The following NCKAP1L variants were observed in gnomAD, a reference collection of about 807,000 sequenced individuals.
The protein encoded by NCKAP1L is NCK associated protein 1 like.
In NCKAP1L, 53 loss-of-function variants were observed where a neutral mutation model predicts 139.2. The ratio of observed to expected loss-of-function variants is 0.38; its 90% CI spans 0.31 to 0.48. The LOEUF (loss-of-function observed/expected upper bound fraction) is 0.48, where lower values mean the gene tolerates loss of function less well. Ranked by LOEUF, NCKAP1L falls within the 20% of genes least tolerant of loss-of-function variation. The pLI is 0.98. For synonymous variants in NCKAP1L, 468 were observed against 499.7 expected (o/e 0.94, Z 0.85); for missense variants, 1,151 against 1,381.9 (o/e 0.83, Z 2.65).
rs113191427 is a variant in NCKAP1L, at chr12:54,509,282, T to C, written c.507-387T>C. On this transcript the variant is annotated intron_variant, in intron 5 of 30. Coordinates refer to ENST00000293373, the MANE Select transcript of NCKAP1L (RefSeq NM_005337.5). ...GTGTATTCCCACATGCCTACGTGGA[T>C]ACCTAGACACATGCCTTACCTGTTA... 1.3e-3 allele frequency among the ~76,000 whole-genome samples: 197 copies of C among 152,334 alleles called. 1 individual carries two copies. Among genetic ancestry groups the C allele is most frequent in the African/African-American group, 4.4e-3 (181 of 41,580 alleles).
rs754379839 is a variant in NCKAP1L at position 54,509,866 on chromosome 12, C to G, written c.616C>G (p.Leu206Val). The G allele has an allele frequency of 1.9e-6, 3 of 1,614,098 alleles. No homozygotes were observed. The African/African-American group carries it at 4.0e-5, about 22-fold the overall frequency. Reference sequence around the variant, plus strand: ...CCCACAGGCTGTGAGTGGAGCCCTCCTCTCTTTGCATTTCCTCTTTGTCCG... The same window carrying G: ...CCCACAGGCTGTGAGTGGAGCCCTCGTCTCTTTGCATTTCCTCTTTGTCCG... ...PHTKAVSGAL[L>V]SLHFLFVRRN... Residue 206 changes from leucine to valine, a missense_variant, in exon 7 of 31, where the codon CTC (leucine) becomes GTC (valine). Coordinates refer to ENST00000293373, the MANE Select transcript of NCKAP1L (RefSeq NM_005337.5).
intron 25 of NCKAP1L, 76 bp from the exon 26 acceptor site, chr12:54,532,094 T>A (rs1592351220): frequency 8.6e-6 from 10 of 1,167,410 alleles, no homozygotes; most frequent in Non-Finnish European, 1.2e-5. Context: ...CTCCTTTTTT[T>A]TTTTTTTTAT....
At chr12:54,505,846 GA>G (rs1956835713) in intron 3 of NCKAP1L, among the ~76,000 whole-genome samples, 1 of 152,096 alleles carries the variant, frequency 6.6e-6, no homozygotes. Context: ...ATTTTTAGTA[GA>G]GACGGGGTTT....
intron 27 of NCKAP1L, among the ~76,000 whole-genome samples, chr12:54,535,780 C>T (rs957812514): frequency 6.6e-5 from 10 of 152,196 alleles, no homozygotes; most frequent in Admixed American, 5.2e-4. Flanking sequence ...CCTTCTTCTT[C>T]TCTCATGGTG....
intron 4 of NCKAP1L, among the ~76,000 whole-genome samples, chr12:54,508,177 C>T (rs1956858020): frequency 6.6e-6 from 1 of 152,182 alleles, no homozygotes; most frequent in Non-Finnish European, 1.5e-5. Context: ...CTAAAAGCTA[C>T]CTTATTTCCT....
intron 22 of NCKAP1L, 65 bp from the exon 23 acceptor site, chr12:54,531,195 A>G (rs944097166): frequency 1.1e-4 from 127 of 1,188,308 alleles, no homozygotes; most frequent in Non-Finnish European, 1.5e-4. Context: ...ATTACCCTAT[A>G]GCTGTTGTAC....
chr12:54,500,662 T>C, intron 3 of NCKAP1L, 37 bp downstream of exon 3: 1 of 1,280,048 alleles, frequency 7.8e-7, no homozygotes, highest in Non-Finnish European at 1.1e-6. Context: ...GTAGGCAAGG[T>C]CTTTCAGAGG....
chr12:54,508,599 T>C, intron 5 of NCKAP1L, 68 bp downstream of exon 5: 1 of 1,500,136 alleles, frequency 6.7e-7, no homozygotes, highest in Non-Finnish European at 9.1e-7. Context: ...GAGTCCCTCA[T>C]GCAAAGGAAA....
Position 54,542,773 on chromosome 12 carries a change from G to A in NCKAP1L, c.*88G>A. 1.0e-5 allele frequency: 5 copies of A among 480,656 alleles called. No homozygotes were observed. Among genetic ancestry groups the A allele is most frequent in the Non-Finnish European group, 2.1e-5 (5 of 237,366 alleles). The allele number at this position is 480,656 out of a possible 1,614,324, so 29.8% of individuals were successfully genotyped here. Reference sequence around the variant, plus strand: ...CTGTGGTCACTTTCGCAGGGGGTGGGAATGGGGTGGGGTCACTAAGGAGAG... The same window carrying A: ...CTGTGGTCACTTTCGCAGGGGGTGGAAATGGGGTGGGGTCACTAAGGAGAG... On this transcript the variant is annotated 3_prime_UTR_variant, in exon 31 of 31. Coordinates refer to ENST00000293373, the MANE Select transcript of NCKAP1L (RefSeq NM_005337.5).
In NCKAP1L at chr12:54,516,450, C is replaced by T. The variant is rs60294924; in HGVS notation, c.998+155C>T. On this transcript the variant is annotated intron_variant, in intron 10 of 30. Coordinates refer to ENST00000293373, the MANE Select transcript of NCKAP1L (RefSeq NM_005337.5). Reference sequence around the variant, plus strand: ...CATAAATTCTTTTTTCTTTTCTTTTCTTTTTTTTTTTTTTGAGACAGAGTC... The same window carrying T: ...CATAAATTCTTTTTTCTTTTCTTTTTTTTTTTTTTTTTTTGAGACAGAGTC... Among the ~76,000 whole-genome samples, 371 of 145,264 alleles carry T rather than the reference C, an allele frequency of 2.6e-3. 4 individuals carry two copies. Among genetic ancestry groups the T allele is most frequent in the Admixed American group, 0.016 (234 of 14,610 alleles).
At chr12:54,519,377 C>T in intron 16 of NCKAP1L, 45 bp downstream of exon 16, 1 of 1,361,352 alleles carries the variant, frequency 7.3e-7, no homozygotes, top group Non-Finnish European at 9.6e-7. Context: ...TTATTGTTTC[C>T]TTTTTTCATT....
In NCKAP1L at chr12:54,508,044, GACT is replaced by G. The variant is rs113754930; in HGVS notation, c.363+140_363+142del. The stretch of plus-strand genomic sequence containing the variant: ...GGCTATTTTGTTTATTCCTTCTCAG[GACT>G]ACTATAATTGTTTTGTAAAAAGTGC... On this transcript the variant is annotated intron_variant, in intron 4 of 30. Coordinates refer to ENST00000293373, the MANE Select transcript of NCKAP1L (RefSeq NM_005337.5). 5 of 778,266 alleles carry G rather than the reference GACT, an allele frequency of 6.4e-6. No homozygotes were observed. In the African/African-American group the frequency reaches 7.0e-5, roughly 11 times the overall value. The allele number at this position is 778,266 out of a possible 1,614,324, so 48.2% of individuals were successfully genotyped here. A position where few individuals can be genotyped will look rare whatever the true frequency, so the allele number is the denominator to read the frequency against.
intron 22 of NCKAP1L, among the ~76,000 whole-genome samples, chr12:54,529,726 G>A (rs1592349892): frequency 1.3e-5 from 2 of 152,308 alleles, no homozygotes; most frequent in Admixed American, 1.3e-4. Context: ...AGCAGCAGGA[G>A]GTAATGCTGA....
Position 54,509,696 on chromosome 12 carries a change from G to C in NCKAP1L, c.534G>C (p.Gln178His). 6.2e-7 allele frequency: 1 copy of C among 1,614,194 alleles called. No homozygotes were observed. Among genetic ancestry groups the C allele is most frequent in the Non-Finnish European group, 8.5e-7 (1 of 1,180,016 alleles). The change falls in exon 6 of 31, where the codon CAG becomes CAC. Residue 178 changes from glutamine (Q) to histidine (H), a missense_variant. Transcript: ENST00000293373. ...HGDPSFARLGQMVLEYDHPLK... is the reference protein window; with the variant it reads ...HGDPSFARLGHMVLEYDHPLK... Reference sequence around the variant, plus strand: ...ACCCCAGTTTTGCCCGTCTGGGTCAGATGGTCTTGGAGTATGACCACCCTC... The same window carrying C: ...ACCCCAGTTTTGCCCGTCTGGGTCACATGGTCTTGGAGTATGACCACCCTC...
chr12:54,499,200 A>C (rs1956776202), intron 1 of NCKAP1L, among the ~76,000 whole-genome samples, 155 bp from the exon 2 acceptor site: 1 of 152,204 alleles, frequency 6.6e-6, no homozygotes, highest in Non-Finnish European at 1.5e-5. Flanking sequence ...CTGGGATTAC[A>C]GGTGTGAGCC....
chr12:54,507,822 T>C, intron 3 of NCKAP1L, 31 bp from the exon 4 acceptor site: 2 of 1,606,888 alleles, frequency 1.2e-6, no homozygotes, highest in Non-Finnish European at 1.7e-6. Context: ...TTTGATTTTT[T>C]ATTAATTCTT....
intron 9 of NCKAP1L, among the ~76,000 whole-genome samples, chr12:54,513,206 A>G (rs188412639): frequency 7.2e-4 from 110 of 152,286 alleles, no homozygotes; most frequent in Admixed American, 2.4e-3. Flanking sequence ...GGAATTGAGG[A>G]TGATGTCGAG....
At chr12:54,512,793 T>G (rs1283665842) in intron 9 of NCKAP1L, among the ~76,000 whole-genome samples, 1 of 145,844 alleles carries the variant, frequency 6.9e-6, no homozygotes, top group East Asian at 2.0e-4. Context: ...TGTGTGTGTA[T>G]GTGTGAGTAA....
intron 3 of NCKAP1L, among the ~76,000 whole-genome samples, chr12:54,502,658 T>C (rs887255000): frequency 6.6e-6 from 1 of 151,726 alleles, no homozygotes; most frequent in African/African-American, 2.4e-5. Context: ...ACACAGGAAA[T>C]ATAACATACA....
Sources: allele counts gnomAD v4.1 joint callset (sites outside exome capture counted in the v4.1 genomes callset), GRCh38; gene constraint gnomAD v4.1.1; transcripts MANE v1.5; gene names NCBI Gene and HGNC (gene_info 2026-07-23, HGNC 2026-07-21).